Variants in DNAJB1 observed in about 807,000 individuals in gnomAD.
DNAJB1 encodes DnaJ heat shock protein family (Hsp40) member B1, also known as dnaJ homolog subfamily B member 1.
Under a neutral mutation model 24.0 loss-of-function variants are expected in DNAJB1, and 14 were observed. The observed-to-expected ratio is 0.58, with a 90% CI of 0.39 to 0.91. The LOEUF is 0.91. Among genes scored for constraint, DNAJB1 ranks in the 40% least tolerant of loss-of-function variants. The pLI is 0.00. For missense variants in DNAJB1, 517 were observed against 458.1 expected (o/e 1.13, Z -1.17); for synonymous variants, 262 against 174.4 (o/e 1.50, Z -3.96).
chr19:14,554,103 C>T (rs2073635504), upstream of DNAJB1, among the ~76,000 whole-genome samples: 1 of 152,158 alleles, frequency 6.6e-6, no homozygotes, highest in South Asian at 2.1e-4. Flanking sequence ...TGGGGTATGG[C>T]CTGGCTTTCA....
chr19:14,537,979 C>G (rs552544165), intron 1 of DNAJB1, among the ~76,000 whole-genome samples: 1 of 152,080 alleles, frequency 6.6e-6, no homozygotes, highest in Non-Finnish European at 1.5e-5. Flanking sequence ...CTCTTGACCT[C>G]AGGTGATCCG....
At chr19:14,540,592 G>A (rs559716944) in intron 1 of DNAJB1, among the ~76,000 whole-genome samples, 1 of 151,584 alleles carries the variant, frequency 6.6e-6, no homozygotes, top group South Asian at 2.1e-4. Context: ...GGGTTTCATT[G>A]TGTTGGCCAG....
chr19:14,517,141 A>G lies in DNAJB1; in HGVS notation c.212-95T>C. On this transcript the variant is annotated intron_variant, in intron 1 of 2. Coordinates refer to ENST00000254322, the MANE Select transcript of DNAJB1 (RefSeq NM_006145.3). ...GGAAACAGCTTGGAAGCCATGGGGG[A>G]GGAACTTTTTTGTCTGTCAGGGGAG... 4.4e-6 allele frequency: 6 copies of G among 1,362,660 alleles called. No individual in the cohort carries two copies. The Admixed American group carries it at 9.7e-5, about 22-fold the overall frequency. The allele number at this position is 1,362,660 out of a possible 1,614,324, so 84.4% of individuals were successfully genotyped here. A position where few individuals can be genotyped will look rare whatever the true frequency, so the allele number is the denominator to read the frequency against.
chr19:14,542,347 G>GGTTTTTTTTTTTTTTT (rs2073124658), intron 1 of DNAJB1, among the ~76,000 whole-genome samples: 1 of 43,282 alleles, frequency 2.3e-5, no homozygotes, highest in African/African-American at 8.1e-5. Flanking sequence ...ATGCCATAGT[G>GGTTTTTTTTTTTTTTT]TTTTTTTTTT....
chr19:14,517,842 G>A lies in DNAJB1; in HGVS notation c.211+297C>T, dbSNP rs569442986. 1.3e-5 allele frequency: 4 copies of A among 301,236 alleles called. No homozygotes were observed. The South Asian group carries it at 4.7e-4, about 36-fold the overall frequency. The allele number at this position is 301,236 out of a possible 1,614,324, so 18.7% of individuals were successfully genotyped here. Reference sequence around the variant, plus strand: ...CCGCGCCGTCCCCGTCGTCACCCCCGGCTCCCCCACCCCCATGCACCGCAC... The same window carrying A: ...CCGCGCCGTCCCCGTCGTCACCCCCAGCTCCCCCACCCCCATGCACCGCAC... On this transcript the variant is annotated intron_variant, in intron 1 of 2. Coordinates refer to ENST00000254322, the MANE Select transcript of DNAJB1 (RefSeq NM_006145.3).
upstream of DNAJB1, chr19:14,518,519 TC>T: frequency 2.1e-6 from 1 of 471,412 alleles, no homozygotes; most frequent in Middle Eastern, 5.9e-4. Context: ...CGCCGCCCTT[TC>T]AGCGACACGC....
At chr19:14,544,310 C>T (rs952324513) in intron 1 of DNAJB1, among the ~76,000 whole-genome samples, 6 of 152,146 alleles carry the variant, frequency 3.9e-5, no homozygotes, top group Non-Finnish European at 8.8e-5. Flanking sequence ...TGGCTCTCCC[C>T]TGTAACCCCT....
chr19:14,516,200 G>A, intron 2 of DNAJB1, 30 bp from the exon 3 acceptor site: 2 of 1,611,388 alleles, frequency 1.2e-6, no homozygotes, highest in South Asian at 1.1e-5. Flanking sequence ...GCATTAGATG[G>A]AAGCTGGCTC....
upstream of DNAJB1, among the ~76,000 whole-genome samples, chr19:14,553,676 A>C (rs1000823536): frequency 3.3e-5 from 5 of 152,092 alleles, no homozygotes; most frequent in African/African-American, 1.2e-4. Flanking sequence ...AGTCCAGATG[A>C]ATGTGCCGGA....
Position 14,516,449 on chromosome 19 carries a change from C to T in DNAJB1, c.792+17G>A, listed in dbSNP as rs1392481719. 8.7e-6 allele frequency: 14 copies of T among 1,606,668 alleles called. No individual in the cohort carries two copies. In the Admixed American group the frequency reaches 1.2e-4, roughly 14 times the overall value. ...AGCCATCGCCCTCTACAGACACCGC[C>T]CCACCTGGCACCTTACCTCCCGGAG... is the stretch of plus-strand genomic sequence containing the variant. On this transcript the variant is annotated intron_variant, in intron 2 of 2. Transcript: ENST00000254322.
At chr19:14,547,603 C>T (rs376687849) in intron 1 of DNAJB1, among the ~76,000 whole-genome samples, 23 of 151,692 alleles carry the variant, frequency 1.5e-4, no homozygotes, top group African/African-American at 4.8e-4. Context: ...CTCAGGTAAT[C>T]CACCTGCCTT....
At chr19:14,535,562 A>ATATATATATG (rs1568396549) in intron 1 of DNAJB1, among the ~76,000 whole-genome samples, 6 of 27,912 alleles carry the variant, frequency 2.1e-4, no homozygotes, top group African/African-American at 8.6e-4. Context: ...ATATATATAT[A>ATATATATATG]TATATATATA....
chr19:14,517,395 ACT>A, intron 1 of DNAJB1: 1 of 235,392 alleles, frequency 4.2e-6, no homozygotes, highest in African/African-American at 2.3e-5. Context: ...GTAAGTGTTT[ACT>A]CTCAACGTTT....
chr19:14,524,559 T>G (rs1228602123), intron 2 of DNAJB1, among the ~76,000 whole-genome samples: 1 of 147,682 alleles, frequency 6.8e-6, no homozygotes. Context: ...GGAAAAGATC[T>G]TCAAGGCTGG....
upstream of DNAJB1, among the ~76,000 whole-genome samples, chr19:14,550,985 AT>A (rs1334994963): frequency 6.6e-6 from 1 of 151,158 alleles, no homozygotes; most frequent in Non-Finnish European, 1.5e-5. Context: ...CCTTTTACTT[AT>A]GAGGACACTC....
Position 14,518,074 on chromosome 19 carries a change from C to A in DNAJB1, c.211+65G>T, listed in dbSNP as rs956284148. The stretch of plus-strand genomic sequence containing the variant: ...CTTCCCGGGGGGCCGCCGAGAGGGG[C>A]CAGCGTGCCTCAGTTTCCCTGTCTG... On this transcript the variant is annotated intron_variant, in intron 1 of 2. Coordinates refer to ENST00000254322, the MANE Select transcript of DNAJB1 (RefSeq NM_006145.3). The A allele has an allele frequency of 1.6e-5, 22 of 1,368,024 alleles. No individual in the cohort carries two copies. The African/African-American group carries it at 3.2e-4, about 20-fold the overall frequency. 84.7% of individuals were successfully genotyped at this position (1,368,024 alleles called of 1,614,324 possible). A position where few individuals can be genotyped will look rare whatever the true frequency, so the allele number is the denominator to read the frequency against.
At chr19:14,558,493 T>G (rs776695858) in intron 1 of DNAJB1, among the ~76,000 whole-genome samples, 6 of 152,166 alleles carry the variant, frequency 3.9e-5, no homozygotes, top group Middle Eastern at 3.2e-3. Context: ...GAGTTGCTGT[T>G]GGCTGGGCCC....
At chr19:14,534,452 T>G (rs1009182569), upstream of DNAJB1, among the ~76,000 whole-genome samples, 2 of 92,332 alleles carry the variant, frequency 2.2e-5, no homozygotes, top group Admixed American at 1.2e-4. Context: ...TTTTTTTTTT[T>G]TGTGACAGAG....
At chr19:14,537,744 GTT>G (rs533380690) in intron 1 of DNAJB1, among the ~76,000 whole-genome samples, 38,309 of 125,122 alleles carry the variant, frequency 0.31, 3,519 homozygotes, top group Middle Eastern at 0.38. Context: ...AATTATCAGT[GTT>G]TTTTTTTTTT....
Sources: allele counts gnomAD v4.1 joint callset (sites outside exome capture counted in the v4.1 genomes callset), GRCh38; gene constraint gnomAD v4.1.1; transcripts MANE v1.5; gene names NCBI Gene and HGNC (gene_info 2026-07-23, HGNC 2026-07-21).